Variants in FKBP7 observed in about 807,000 individuals in gnomAD.
FKBP7 encodes FKBP prolyl isomerase 7.
Under a neutral mutation model 24.3 loss-of-function variants are expected in FKBP7, and 24 were observed. That is an observed-to-expected ratio of 0.99 (90% CI 0.72 to 1.39). The LOEUF (loss-of-function observed/expected upper bound fraction) is 1.39, where lower values mean the gene tolerates loss of function less well. Among genes scored for constraint, FKBP7 ranks in the 40% most tolerant of loss-of-function variants. The pLI is 0.00. For missense variants in FKBP7, 257 were observed against 269.5 expected (o/e 0.95, Z 0.33); for synonymous variants, 98 against 92.8 (o/e 1.06, Z -0.32).
intron 3 of FKBP7, 147 bp from the exon 4 acceptor site, chr2:178,466,078 A>G: frequency 1.5e-6 from 1 of 664,318 alleles, no homozygotes; most frequent in Non-Finnish European, 2.3e-6. Context: ...TTGAGGTTTT[A>G]TTTTTCTTAT....
At chr2:178,466,049 C>T (rs1310409599) in intron 3 of FKBP7, 118 bp from the exon 4 acceptor site, 2 of 815,780 alleles carry the variant, frequency 2.5e-6, no homozygotes, top group East Asian at 2.7e-5. Flanking sequence ...GTAAATGATA[C>T]AACAGTATGA....
At chr2:178,472,654 G>C (rs1486012197) in intron 2 of FKBP7, among the ~76,000 whole-genome samples, 1 of 151,746 alleles carries the variant, frequency 6.6e-6, no homozygotes, top group East Asian at 2.0e-4. Context: ...TTCGAGACCA[G>C]CCTGGCCAAC....
chr2:178,472,397 A>G (rs1204901145), intron 2 of FKBP7, among the ~76,000 whole-genome samples: 1 of 152,188 alleles, frequency 6.6e-6, no homozygotes, highest in East Asian at 1.9e-4. Flanking sequence ...TTCTTAAGAA[A>G]AAATATTGTA....
intron 3 of FKBP7, among the ~76,000 whole-genome samples, chr2:178,466,814 A>G (rs1212533363): frequency 6.6e-6 from 1 of 152,190 alleles, no homozygotes; most frequent in Admixed American, 6.5e-5. Context: ...TAATCCTTAT[A>G]ATAACTAAAG....
chr2:178,478,187 C>T (rs1368482257), intron 1 of FKBP7, 92 bp downstream of exon 1: 19 of 1,450,140 alleles, frequency 1.3e-5, no homozygotes, highest in Non-Finnish European at 1.7e-5. Flanking sequence ...AAAAATAAAA[C>T]CCCAACCAAC....
At chr2:178,477,606 A>G (rs1218473772) in intron 1 of FKBP7, among the ~76,000 whole-genome samples, 1 of 151,968 alleles carries the variant, frequency 6.6e-6, no homozygotes, top group Non-Finnish European at 1.5e-5. Context: ...AAAATGGTAT[A>G]TTTTCTTATT....
At position 178,478,246 on chromosome 2, in the gene FKBP7, C is replaced by G. The variant is rs760738931; in HGVS notation, c.221+33G>C. ...TGGAGGCAGGCAAGATTTTGTGCAA[C>G]TGGACGCACGGGCAGCTCGCAGCAT... is the stretch of plus-strand genomic sequence containing the variant. On this transcript the variant is annotated intron_variant, in intron 1 of 3. Transcript: ENST00000424785. 2.5e-6 allele frequency: 4 copies of G among 1,611,812 alleles called. No homozygotes were observed. In the Admixed American group the frequency reaches 5.0e-5, roughly 20 times the overall value.
In FKBP7 at chr2:178,467,474, G is replaced by A. The variant is rs1647912780; in HGVS notation, c.508-1543C>T. 2.6e-5 allele frequency among the ~76,000 whole-genome samples: 4 copies of A among 151,970 alleles called. 1 individual carries two copies. In the South Asian group the frequency reaches 8.3e-4, roughly 31 times the overall value. ...AGTTCGTGTTTCTACTTCAGGCTTT[G>A]TCTTGGATTTGCTGTGTGGTCTTCT... On this transcript the variant is annotated intron_variant, in intron 3 of 3. Coordinates refer to ENST00000424785, the MANE Select transcript of FKBP7 (RefSeq NM_181342.3).
At chr2:178,477,269 T>TA (rs1245772686) in intron 1 of FKBP7, 56 bp from the exon 2 acceptor site, 1 of 1,563,190 alleles carries the variant, frequency 6.4e-7, no homozygotes, top group Non-Finnish European at 8.7e-7. Context: ...AACTTGAAAA[T>TA]ACAGCTGGGC....
intron 2 of FKBP7, among the ~76,000 whole-genome samples, chr2:178,476,714 A>ATTTTTTTTTTTT: frequency 8.2e-6 from 1 of 122,530 alleles, no homozygotes; most frequent in Non-Finnish European, 1.7e-5. Context: ...ATTCCATTTC[A>ATTTTTTTTTTTT]TTTTTTTTTT....
At chr2:178,470,060 C>G (rs1476281288) in intron 2 of FKBP7, among the ~76,000 whole-genome samples, 2 of 151,582 alleles carry the variant, frequency 1.3e-5, no homozygotes, top group Non-Finnish European at 2.9e-5. Context: ...CCTATGGGAC[C>G]ACTATTTCTT....
intron 3 of FKBP7, 76 bp downstream of exon 3, chr2:178,469,575 AG>A (rs1684790850): frequency 6.7e-7 from 1 of 1,485,350 alleles, no homozygotes; most frequent in East Asian, 2.3e-5. Flanking sequence ...AGACCTAAAA[AG>A]TAATAGTTGT....
chr2:178,478,451 G>A lies in FKBP7; in HGVS notation c.49C>T (p.Leu17=). 1.2e-6 allele frequency: 2 copies of A among 1,614,184 alleles called. No homozygotes were observed. The highest frequency in any genetic ancestry group is 1.7e-6 in the Non-Finnish European group (2 of 1,180,024). ...CTCTGAGCAGTAAAAAGGCCCCACA[G>A]ATAAAAGAAAACAATGAATCTGAAT... ...FLFRFIVFFY[L]WGLFTAQRQK... is the part of the protein sequence containing the mutation. Residue 17 remains leucine, a synonymous_variant, in exon 1 of 4, where the codon CTG becomes TTG. Coordinates refer to ENST00000424785, the MANE Select transcript of FKBP7 (RefSeq NM_181342.3).
Position 178,478,442 on chromosome 2 carries a change from G to A in FKBP7, c.58C>T (p.Leu20Phe). The change falls in exon 1 of 4, where the codon CTT becomes TTT. Residue 20 changes from leucine (L) to phenylalanine (F), a missense_variant. Transcript: ENST00000424785. ...TTCTTTTGTCTCTGAGCAGTAAAAA[G>A]GCCCCACAGATAAAAGAAAACAATG... is the stretch of plus-strand genomic sequence containing the variant. ...RFIVFFYLWGLFTAQRQKKEE... is the reference protein window; with the variant it reads ...RFIVFFYLWGFFTAQRQKKEE... 6.2e-7 allele frequency: 1 copy of A among 1,614,168 alleles called. No individual in the cohort carries two copies.
At chr2:178,473,049 C>T in intron 2 of FKBP7, 3 of 1,296,500 alleles carry the variant, frequency 2.3e-6, no homozygotes, top group Non-Finnish European at 3.1e-6. Flanking sequence ...GTTATTTAAG[C>T]ACTAACAAGT....
intron 1 of FKBP7, among the ~76,000 whole-genome samples, chr2:178,478,057 T>C (rs963323146): frequency 1.3e-5 from 2 of 152,224 alleles, no homozygotes; most frequent in Admixed American, 1.3e-4. Flanking sequence ...TATCGTATTT[T>C]TGATAATTTA....
At chr2:178,471,012 G>C (rs1684835132) in intron 2 of FKBP7, among the ~76,000 whole-genome samples, 1 of 151,888 alleles carries the variant, frequency 6.6e-6, no homozygotes, top group Non-Finnish European at 1.5e-5. Flanking sequence ...TGAGTACCTG[G>C]GATTACAGGT....
chr2:178,466,638 T>C (rs1575130286), intron 3 of FKBP7, among the ~76,000 whole-genome samples: 1 of 152,170 alleles, frequency 6.6e-6, no homozygotes, highest in African/African-American at 2.4e-5. Flanking sequence ...AGTTATCTCA[T>C]TGATAATTTT....
intron 3 of FKBP7, 36 bp from the exon 4 acceptor site, chr2:178,465,967 G>C (rs758018447): frequency 1.3e-6 from 2 of 1,514,354 alleles, no homozygotes; most frequent in Non-Finnish European, 1.8e-6. Flanking sequence ...TAATTAAAAG[G>C]TATCACAGTG....
Sources: gnomAD v4.1 joint callset for allele counts (sites outside exome capture counted in the v4.1 genomes callset) on GRCh38, gnomAD v4.1.1 for gene constraint, MANE v1.5 for transcripts, NCBI Gene and HGNC (gene_info 2026-07-23, HGNC 2026-07-21) for gene names.